RASEF: variants seen among roughly 807,000 people sequenced by gnomAD.
RASEF encodes the protein ras and EF-hand domain-containing protein.
In RASEF, 68 loss-of-function variants were observed where a neutral mutation model predicts 90.1. The ratio of observed to expected loss-of-function variants is 0.75; its 90% CI spans 0.62 to 0.92. RASEF has a LOEUF of 0.92. RASEF is among the 40% of genes least tolerant of loss of function. The pLI is 0.00. For missense variants in RASEF, 949 were observed against 937.2 expected, an observed-to-expected ratio of 1.01 and a Z score of -0.16; for synonymous variants, 331 against 345.2, an observed-to-expected ratio of 0.96 and a Z score of 0.46.
the RASEF span, among the ~76,000 whole-genome samples, chr9:83,115,844 G>A: frequency 9.2e-5 from 14 of 152,026 alleles, no homozygotes; most frequent in African/African-American, 3.4e-4. Flanking sequence ...TTAAAATTAT[G>A]CTGAGTTTTC....
chr9:82,982,857 G>T, intron 16 of RASEF, 75 bp from the exon 17 acceptor site: 1 of 847,690 alleles, frequency 1.2e-6, no homozygotes, highest in Non-Finnish European at 2.0e-6. Context: ...TAAAAACTAA[G>T]CCACAGATGG....
rs1829335479 is a variant in RASEF at position 83,015,907 on chromosome 9, G to A, written c.670-7C>T. On this transcript the variant is annotated splice_polypyrimidine_tract_variant and splice_region_variant and intron_variant, in intron 3 of 16. Coordinates refer to ENST00000376447, the MANE Select transcript of RASEF (RefSeq NM_152573.4). Reference sequence around the variant, plus strand: ...CCTCAGCTTTGCGTTTTTCCTAAAAGAAAAAAAAATATGTTGTTCATTTAA... The same window carrying A: ...CCTCAGCTTTGCGTTTTTCCTAAAAAAAAAAAAAATATGTTGTTCATTTAA... The A allele has an allele frequency of 1.9e-6, 3 of 1,582,268 alleles. No homozygotes were observed. The highest frequency in any genetic ancestry group is 1.7e-5 in the Admixed American group (1 of 57,564).
At chr9:83,146,725 T>C in the RASEF span, among the ~76,000 whole-genome samples, 1 of 152,154 alleles carries the variant, frequency 6.6e-6, no homozygotes, top group Admixed American at 6.5e-5. Flanking sequence ...TCATTGTATC[T>C]AAAATCTCAG....
At chr9:83,148,332 A>G in the RASEF span, among the ~76,000 whole-genome samples, 4 of 152,192 alleles carry the variant, frequency 2.6e-5, no homozygotes, top group Admixed American at 1.3e-4. Flanking sequence ...CCCAGCATGT[A>G]AGATGGGAGA....
At chr9:83,125,347 C>T in the RASEF span, among the ~76,000 whole-genome samples, 1 of 152,164 alleles carries the variant, frequency 6.6e-6, no homozygotes, top group South Asian at 2.1e-4. Flanking sequence ...ACAGCCCTGT[C>T]AGCACCTTGA....
At chr9:83,185,061 C>T in the RASEF span, among the ~76,000 whole-genome samples, 58 of 152,154 alleles carry the variant, frequency 3.8e-4, no homozygotes, top group Non-Finnish European at 7.1e-4. Flanking sequence ...GATTCTGGTA[C>T]GTGGTCAAGC....
chr9:83,069,555 A>G, the RASEF span, among the ~76,000 whole-genome samples: 1 of 152,146 alleles, frequency 6.6e-6, no homozygotes, highest in Non-Finnish European at 1.5e-5. Context: ...GTGTGCATCC[A>G]TTACTTTGTT....
At chr9:83,113,037 A>G in the RASEF span, among the ~76,000 whole-genome samples, 1 of 152,252 alleles carries the variant, frequency 6.6e-6, no homozygotes, top group Non-Finnish European at 1.5e-5. Flanking sequence ...TTTTCAACAC[A>G]CATATAAGAA....
the RASEF span, among the ~76,000 whole-genome samples, chr9:83,129,046 C>G: frequency 5.3e-4 from 80 of 152,238 alleles, no homozygotes; most frequent in South Asian, 7.2e-3. Flanking sequence ...TAAACAAAAA[C>G]AAAGATTAAA....
At chr9:83,094,848 C>A in the RASEF span, among the ~76,000 whole-genome samples, 1 of 152,316 alleles carries the variant, frequency 6.6e-6, no homozygotes, top group South Asian at 2.1e-4. Context: ...ACATTACTTA[C>A]AGGAATGACA....
chr9:83,110,953 A>C, the RASEF span, among the ~76,000 whole-genome samples: 3 of 152,172 alleles, frequency 2.0e-5, no homozygotes, highest in East Asian at 5.8e-4. Flanking sequence ...AAAATCACAA[A>C]CCACATGACA....
the RASEF span, among the ~76,000 whole-genome samples, chr9:83,113,824 G>T: frequency 7.2e-5 from 11 of 152,120 alleles, no homozygotes; most frequent in South Asian, 2.1e-4. Context: ...CGTGCACAGT[G>T]GGACACAGAC....
the RASEF span, among the ~76,000 whole-genome samples, chr9:83,188,080 T>C: frequency 2.0e-5 from 3 of 152,206 alleles, no homozygotes; most frequent in Non-Finnish European, 4.4e-5. Context: ...CTAATGGTTA[T>C]TAATATTATT....
In RASEF at chr9:82,992,914, G is replaced by A. The variant is rs1416594156; in HGVS notation, c.2032C>T (p.Leu678=). 24 of 1,613,760 alleles carry A rather than the reference G, an allele frequency of 1.5e-5. No individual in the cohort carries two copies. Among genetic ancestry groups the A allele is most frequent in the Non-Finnish European group, 2.0e-5 (24 of 1,179,798 alleles). The change falls in exon 15 of 17, where the codon CTG becomes TTG. Residue 678 remains leucine (L), a synonymous_variant. Transcript: ENST00000376447. ...KCVPGHFGEK[L]AMTYGALFCE... is the part of the protein sequence containing the mutation. ...GGCATCCTCACTCTTACCATGGCCA[G>A]TTTCTCTCCAAAGTGCCCTGGGACA...
At chr9:83,125,448 ATTAG>A in the RASEF span, among the ~76,000 whole-genome samples, 1 of 152,232 alleles carries the variant, frequency 6.6e-6, no homozygotes, top group South Asian at 2.1e-4. Context: ...GAATATGGCA[ATTAG>A]TTATAGCACC....
chr9:83,083,579 A>C, the RASEF span, among the ~76,000 whole-genome samples: 1 of 152,272 alleles, frequency 6.6e-6, no homozygotes, highest in African/African-American at 2.4e-5. Flanking sequence ...GAGGCAAAAA[A>C]CCCACATATA....
chr9:83,055,820 C>T lies in RASEF; in HGVS notation c.431+6617G>A, dbSNP rs150168202. The T allele has an allele frequency of 4.8e-3, 2,867 of 598,668 alleles. 50 individuals carry two copies. Among genetic ancestry groups the T allele is most frequent in the African/African-American group, 0.048 (2,574 of 53,866 alleles). 37.1% of individuals were successfully genotyped at this position (598,668 alleles called of 1,614,324 possible). On this transcript the variant is annotated intron_variant, in intron 1 of 16. Coordinates refer to ENST00000376447, the MANE Select transcript of RASEF (RefSeq NM_152573.4). Reference sequence around the variant, plus strand: ...ACTCCCAAAGATATATGTAAGGACCCCGAAGGGTCTATGGCTCCCAATTTG... The same window carrying T: ...ACTCCCAAAGATATATGTAAGGACCTCGAAGGGTCTATGGCTCCCAATTTG...
In RASEF at chr9:82,979,868, G is replaced by A. The variant is rs752466846; in HGVS notation, c.*2809C>T. ...GCCCACAAAAACCATCACTGAAGCCGATCACTGTACAAATATGAAAATAAA... is the reference window on the plus strand; with the variant it reads ...GCCCACAAAAACCATCACTGAAGCCAATCACTGTACAAATATGAAAATAAA... On this transcript the variant is annotated 3_prime_UTR_variant, in exon 17 of 17. Coordinates refer to ENST00000376447, the MANE Select transcript of RASEF (RefSeq NM_152573.4). 3 of 152,008 alleles carry A rather than the reference G, an allele frequency of 2.0e-5. No individual in the cohort carries two copies. The highest frequency in any genetic ancestry group is 2.1e-4 in the South Asian group (1 of 4,824). The allele number at this position is 152,008 out of a possible 1,614,324, so 9.4% of individuals were successfully genotyped here.
intron 16 of RASEF, 21 bp from the exon 17 acceptor site, chr9:82,982,803 G>A (rs1564066410): frequency 2.5e-6 from 3 of 1,201,526 alleles, no homozygotes; most frequent in Non-Finnish European, 3.6e-6. Flanking sequence ...GATAGAGAGA[G>A]ACAGAGAGAG....
Sources: allele counts gnomAD v4.1 joint callset (sites outside exome capture counted in the v4.1 genomes callset), GRCh38; gene constraint gnomAD v4.1.1; transcripts MANE v1.5; gene names NCBI Gene and HGNC (gene_info 2026-07-23, HGNC 2026-07-21).